ADD2: variants seen among roughly 807,000 people sequenced by gnomAD.
The protein encoded by ADD2 is adducin 2, also known as beta-adducin.
Under a neutral mutation model 83.0 loss-of-function variants are expected in ADD2, and 23 were observed. The ratio of observed to expected loss-of-function variants is 0.28; its 90% CI spans 0.20 to 0.39. The LOEUF (loss-of-function observed/expected upper bound fraction) is 0.39, where lower values mean the gene tolerates loss of function less well. Among genes scored for constraint, ADD2 ranks in the 10% least tolerant of loss-of-function variants. The pLI, the probability that ADD2 is intolerant of heterozygous loss-of-function variation, is 1.00. For missense variants in ADD2, 758 were observed against 944.9 expected, an observed-to-expected ratio of 0.80 and a Z score of 2.59; for synonymous variants, 375 against 375.4, an observed-to-expected ratio of 1.00 and a Z score of 0.01.
chr2:70,765,789 G>T (rs1005502054), intron 1 of ADD2, among the ~76,000 whole-genome samples: 1 of 152,108 alleles, frequency 6.6e-6, no homozygotes, highest in Non-Finnish European at 1.5e-5. Context: ...TCAGCCTCAC[G>T]CTTAAGACCA....
At chr2:70,747,159 C>T (rs1435051479) in intron 1 of ADD2, among the ~76,000 whole-genome samples, 6 of 151,874 alleles carry the variant, frequency 4.0e-5, no homozygotes, top group East Asian at 1.9e-4. Context: ...TACAGGCACC[C>T]GCCACCACAC....
At chr2:70,728,695 A>G (rs1553378761) in intron 1 of ADD2, among the ~76,000 whole-genome samples, 1 of 152,226 alleles carries the variant, frequency 6.6e-6, no homozygotes, top group Admixed American at 6.5e-5. Context: ...ATCCCCGCTC[A>G]TGGGAGAAGC....
At position 70,674,721 on chromosome 2, in the gene ADD2, C is replaced by T. The variant is rs931996191; in HGVS notation, c.1698G>A (p.Glu566=). The T allele has an allele frequency of 4.3e-6, 7 of 1,613,986 alleles. No homozygotes were observed. Among genetic ancestry groups the T allele is most frequent in the Admixed American group, 3.3e-5 (2 of 60,006 alleles). Residue 566 remains glutamate, a synonymous_variant, in exon 14 of 16, where the codon GAG becomes GAA. Transcript: ENST00000264436. ...PFSQLTDQEL[E]EYKKEVERKK... The stretch of plus-strand genomic sequence containing the variant: ...TCCTCTCCACCTCTTTCTTGTACTC[C>T]TCCAACTCCTGGTCAGTGAGTTGGC...
At chr2:70,759,722 G>A (rs1243370052) in intron 1 of ADD2, among the ~76,000 whole-genome samples, 1 of 152,104 alleles carries the variant, frequency 6.6e-6, no homozygotes, top group Admixed American at 6.5e-5. Flanking sequence ...GTGGCCTGAG[G>A]CTTCCACAAG....
At chr2:70,767,756 G>C (rs1313232059) in intron 1 of ADD2, 130 bp downstream of exon 1, 2 of 1,452,836 alleles carry the variant, frequency 1.4e-6, no homozygotes, top group East Asian at 5.0e-5. Context: ...CTGCAGCACC[G>C]ACGCGCTCGG....
At chr2:70,689,826 T>G (rs1171258223) in intron 8 of ADD2, among the ~76,000 whole-genome samples, 18 of 152,178 alleles carry the variant, frequency 1.2e-4, no homozygotes, top group African/African-American at 4.1e-4. Context: ...ACAACAAGAT[T>G]CCATTTTTCT....
intron 1 of ADD2, among the ~76,000 whole-genome samples, chr2:70,749,901 G>A (rs1674421384): frequency 6.6e-6 from 1 of 152,186 alleles, no homozygotes. Context: ...GTCCCTATTT[G>A]GCTAAGCCAC....
At chr2:70,709,962 C>G (rs782033842) in intron 2 of ADD2, among the ~76,000 whole-genome samples, 3 of 152,208 alleles carry the variant, frequency 2.0e-5, no homozygotes, top group Non-Finnish European at 4.4e-5. Context: ...AGACATGTGG[C>G]CCCCACTCAG....
At position 70,677,896 on chromosome 2, in the gene ADD2, A is replaced by T. The variant is rs782437715; in HGVS notation, c.1384-19T>A. On this transcript the variant is annotated intron_variant, in intron 11 of 15. Transcript: ENST00000264436. ...TCATCCACTGCACAAACACAAGGTC[A>T]TGGGGCTGAGGTGAGGGAACAGGCC... The T allele has an allele frequency of 8.1e-6, 13 of 1,613,920 alleles. No individual in the cohort carries two copies. The highest frequency in any genetic ancestry group is 5.0e-5 in the Admixed American group (3 of 60,004).
intron 6 of ADD2, among the ~76,000 whole-genome samples, chr2:70,693,011 T>C (rs1455136422): frequency 1.3e-5 from 2 of 152,084 alleles, no homozygotes; most frequent in Admixed American, 6.5e-5. Flanking sequence ...TGAGAGGCCT[T>C]CCAGGGGGAG....
At chr2:70,732,163 G>C (rs1395261611) in intron 1 of ADD2, among the ~76,000 whole-genome samples, 9 of 152,226 alleles carry the variant, frequency 5.9e-5, no homozygotes, top group Non-Finnish European at 8.8e-5. Flanking sequence ...AGGACAAAGT[G>C]AGTGGGCTGG....
At position 70,734,209 on chromosome 2, in the gene ADD2, T is replaced by C. The variant is rs561374170; in HGVS notation, c.-153-21025A>G. 4.6e-5 allele frequency among the ~76,000 whole-genome samples: 7 copies of C among 152,274 alleles called. No individual in the cohort carries two copies. The East Asian group carries it at 1.4e-3, about 29-fold the overall frequency. On this transcript the variant is annotated intron_variant, in intron 1 of 15. Transcript: ENST00000264436. Reference sequence around the variant, plus strand: ...CACATGGGGGAAAAATGAGTTTATCTACATAGAAAAGGAAAGGACAATTGG... The same window carrying C: ...CACATGGGGGAAAAATGAGTTTATCCACATAGAAAAGGAAAGGACAATTGG...
intron 14 of ADD2, among the ~76,000 whole-genome samples, chr2:70,673,586 G>A (rs1669999576): frequency 6.6e-6 from 1 of 152,178 alleles, no homozygotes; most frequent in South Asian, 2.1e-4. Context: ...AAGCCAGCAA[G>A]GGTTTTTTGG....
At chr2:70,709,039 G>A (rs550642849) in intron 2 of ADD2, among the ~76,000 whole-genome samples, 6 of 152,138 alleles carry the variant, frequency 3.9e-5, no homozygotes, top group African/African-American at 1.4e-4. Context: ...CCAAGTTCCT[G>A]AATCATGCTT....
At chr2:70,721,695 C>A (rs1261718633) in intron 1 of ADD2, among the ~76,000 whole-genome samples, 1 of 152,132 alleles carries the variant, frequency 6.6e-6, no homozygotes, top group Non-Finnish European at 1.5e-5. Flanking sequence ...TTAATGTCTC[C>A]AGGCAATTTC....
chr2:70,761,618 G>C (rs2104561776), intron 1 of ADD2, among the ~76,000 whole-genome samples: 1 of 146,368 alleles, frequency 6.8e-6, no homozygotes, highest in Non-Finnish European at 1.5e-5. Context: ...AAGGAAGGAA[G>C]GAAGGAATTA....
intron 1 of ADD2, among the ~76,000 whole-genome samples, chr2:70,759,259 C>T (rs1185265501): frequency 4.6e-5 from 7 of 152,126 alleles, no homozygotes; most frequent in African/African-American, 1.4e-4. Flanking sequence ...CAGGATGAGG[C>T]CCTATGTTAG....
chr2:70,693,290 T>C (rs2104330304), intron 6 of ADD2, among the ~76,000 whole-genome samples: 1 of 152,188 alleles, frequency 6.6e-6, no homozygotes, highest in South Asian at 2.1e-4. Context: ...TTTCCCGGAG[T>C]GCAATCTCCC....
At chr2:70,666,444 C>T (rs1675805000) in intron 15 of ADD2, among the ~76,000 whole-genome samples, 1 of 152,210 alleles carries the variant, frequency 6.6e-6, no homozygotes, top group Non-Finnish European at 1.5e-5. Flanking sequence ...TCTTCCTGGG[C>T]TCTCCAGGGC....
Sources: allele counts gnomAD v4.1 joint callset (sites outside exome capture counted in the v4.1 genomes callset), GRCh38; gene constraint gnomAD v4.1.1; transcripts MANE v1.5; gene names NCBI Gene and HGNC (gene_info 2026-07-23, HGNC 2026-07-21).